MBTD1: variants seen among roughly 807,000 people sequenced by gnomAD.
The protein encoded by MBTD1 is MBT domain-containing protein 1.
Under a neutral mutation model 87.8 loss-of-function variants are expected in MBTD1, and 24 were observed. The observed-to-expected ratio is 0.27, with a 90% CI of 0.20 to 0.38. MBTD1 has a LOEUF of 0.38. Among genes scored for constraint, MBTD1 ranks in the 10% least tolerant of loss-of-function variants. The pLI is 1.00. For synonymous variants in MBTD1, 237 were observed against 248.6 expected (o/e 0.95, Z 0.44); for missense variants, 436 against 760.2 (o/e 0.57, Z 5.02).
At chr17:51,224,951 T>C in intron 3 of MBTD1, 57 bp downstream of exon 3, 1 of 1,152,132 alleles carries the variant, frequency 8.7e-7, no homozygotes, top group East Asian at 3.0e-5. Flanking sequence ...AGAAACCAAA[T>C]GAAAACACAC....
chr17:51,195,367 C>A lies in MBTD1; in HGVS notation c.1225-6G>T. 2 of 1,581,690 alleles carry A rather than the reference C, an allele frequency of 1.3e-6. No homozygotes were observed. The highest frequency in any genetic ancestry group is 1.2e-5 in the South Asian group (1 of 85,628). On this transcript the variant is annotated splice_region_variant and splice_polypyrimidine_tract_variant and intron_variant, in intron 12 of 16. Coordinates refer to ENST00000586178, the MANE Select transcript of MBTD1 (RefSeq NM_017643.3). ...AGGAATCCGTCAGCTAGCACCTTTT[C>A]AATGAAGAGAATTCTAAGTACTTGA...
chr17:51,179,488 A>ATATATATATATATT lies in MBTD1; in HGVS notation c.*1087_*1088insAATATATATATATA, dbSNP rs2050207151. Reference sequence around the variant, plus strand: ...TGAATACAATTAAAGACAATTTTATATATATATATATATATATATATATAT... The same window carrying ATATATATATATATT: ...TGAATACAATTAAAGACAATTTTATATATATATATATATTTATATATATATATATATATATATAT... On this transcript the variant is annotated 3_prime_UTR_variant, in exon 17 of 17. Coordinates refer to ENST00000586178, the MANE Select transcript of MBTD1 (RefSeq NM_017643.3). 4 of 18,464 alleles carry ATATATATATATATT rather than the reference A, an allele frequency of 2.2e-4. No individual in the cohort carries two copies. Among genetic ancestry groups the ATATATATATATATT allele is most frequent in the Non-Finnish European group, 4.5e-4 (4 of 8,888 alleles). The allele number at this position is 18,464 out of a possible 1,614,324, so 1.1% of individuals were successfully genotyped here.
Position 51,225,036 on chromosome 17 carries a change from G to A in MBTD1, c.126C>T (p.Tyr42=), listed in dbSNP as rs766770661. 22 of 1,551,318 alleles carry A rather than the reference G, an allele frequency of 1.4e-5. No individual in the cohort carries two copies. Among genetic ancestry groups the A allele is most frequent in the Non-Finnish European group, 1.7e-6 (2 of 1,146,680 alleles). The change falls in exon 3 of 17, where the codon TAC becomes TAT. Residue 42 remains tyrosine (Y), a synonymous_variant. Coordinates refer to ENST00000586178, the MANE Select transcript of MBTD1 (RefSeq NM_017643.3). The stretch of plus-strand genomic sequence containing the variant: ...TGCCAGATTTACCATCTGGGTATGT[G>A]TAGACTTGCCCATTGTTTTTGATAA... ...LPIIKNNGQV[Y]TYPDGKSGMA...
At position 51,217,429 on chromosome 17, in the gene MBTD1, A is replaced by C; in HGVS notation, c.404-13T>G. 2 of 1,289,608 alleles carry C rather than the reference A, an allele frequency of 1.6e-6. No homozygotes were observed. The highest frequency in any genetic ancestry group is 2.1e-6 in the Non-Finnish European group (2 of 930,416). 79.9% of individuals were successfully genotyped at this position (1,289,608 alleles called of 1,614,324 possible). A position where few individuals can be genotyped will look rare whatever the true frequency, so the allele number is the denominator to read the frequency against. On this transcript the variant is annotated splice_polypyrimidine_tract_variant and intron_variant, in intron 5 of 16. Coordinates refer to ENST00000586178, the MANE Select transcript of MBTD1 (RefSeq NM_017643.3). ...TCCATGGAGACTGCTAAAATGAAAC[A>C]AATTTAGATGTATTATAATTCTCAA... is the stretch of plus-strand genomic sequence containing the variant.
At chr17:51,236,780 A>T (rs1427203744) in intron 2 of MBTD1, among the ~76,000 whole-genome samples, 1 of 152,162 alleles carries the variant, frequency 6.6e-6, no homozygotes, top group Non-Finnish European at 1.5e-5. Flanking sequence ...GAGAAAAAAA[A>T]AATAGTCTTT....
At chr17:51,218,881 A>AATGAATC in intron 5 of MBTD1, 49 bp downstream of exon 5, 1 of 1,082,318 alleles carries the variant, frequency 9.2e-7, no homozygotes, top group Non-Finnish European at 1.4e-6. Context: ...ATTAAAACTA[A>AATGAATC]ATGAATCAAT....
intron 14 of MBTD1, among the ~76,000 whole-genome samples, 160 bp downstream of exon 14, chr17:51,193,268 T>C (rs1324466840): frequency 8.1e-6 from 1 of 124,206 alleles, no homozygotes; most frequent in East Asian, 2.2e-4. Flanking sequence ...TTTTGATTCC[T>C]AGGTAAAGAA....
chr17:51,259,970 G>A lies in MBTD1; in HGVS notation c.-248C>T. The A allele has an allele frequency of 1.3e-5, 13 of 969,618 alleles. No homozygotes were observed. Among genetic ancestry groups the A allele is most frequent in the Non-Finnish European group, 1.6e-5 (12 of 748,578 alleles). 60.1% of individuals were successfully genotyped at this position (969,618 alleles called of 1,614,324 possible). On this transcript the variant is annotated 5_prime_UTR_variant, in exon 1 of 17. Transcript: ENST00000586178. ...CGGCGACTACAGGGGGCCCCCGGCTGGGCCCAGACCGGTGGCGGGTGCAGC... is the reference window on the plus strand; with the variant it reads ...CGGCGACTACAGGGGGCCCCCGGCTAGGCCCAGACCGGTGGCGGGTGCAGC...
intron 2 of MBTD1, among the ~76,000 whole-genome samples, chr17:51,257,577 C>T: frequency 6.6e-6 from 1 of 152,138 alleles, no homozygotes; most frequent in East Asian, 1.9e-4. Flanking sequence ...ATAAGGTCAA[C>T]ATATAACCAG....
rs1598465600 is a variant in MBTD1 at position 51,259,917 on chromosome 17, T to C, written c.-195A>G. On this transcript the variant is annotated 5_prime_UTR_variant, in exon 1 of 17. Coordinates refer to ENST00000586178, the MANE Select transcript of MBTD1 (RefSeq NM_017643.3). ...AGCCCGCGGCGCCCCCTCCCCGGGC[T>C]GGGGGCAGGTGCCTCTCCCCGGGAC... 1 of 1,223,094 alleles carries C rather than the reference T, an allele frequency of 8.2e-7. No individual in the cohort carries two copies. Among genetic ancestry groups the C allele is most frequent in the Middle Eastern group, 3.1e-4 (1 of 3,198 alleles). 75.8% of individuals were successfully genotyped at this position (1,223,094 alleles called of 1,614,324 possible). A position where few individuals can be genotyped will look rare whatever the true frequency, so the allele number is the denominator to read the frequency against.
intron 6 of MBTD1, among the ~76,000 whole-genome samples, chr17:51,208,235 CA>C (rs1162150697): frequency 6.6e-6 from 1 of 152,124 alleles, no homozygotes; most frequent in Non-Finnish European, 1.5e-5. Flanking sequence ...GTCTAGAAAC[CA>C]AAGACAGAAT....
At position 51,214,736 on chromosome 17, in the gene MBTD1, T is replaced by C. The variant is rs1474375809; in HGVS notation, c.486+2598A>G. Among the ~76,000 whole-genome samples the C allele has an allele frequency of 3.3e-5, 5 of 152,096 alleles. No individual in the cohort carries two copies. The East Asian group carries it at 9.7e-4, about 29-fold the overall frequency. On this transcript the variant is annotated intron_variant, in intron 6 of 16. Transcript: ENST00000586178. The stretch of plus-strand genomic sequence containing the variant: ...AGGAGCAGGAAAGGCTCCCGACTTG[T>C]ACTCAAGTAGAAGAGAAGGCAGGTG...
intron 16 of MBTD1, chr17:51,191,932 G>A (rs1359314100): frequency 2.6e-6 from 1 of 383,804 alleles, no homozygotes; most frequent in African/African-American, 2.1e-5. Flanking sequence ...CTTTCAGTAG[G>A]TTTTACATAT....
At chr17:51,203,759 A>G (rs916173990) in intron 8 of MBTD1, 32 bp downstream of exon 8, 2 of 1,590,694 alleles carry the variant, frequency 1.3e-6, no homozygotes, top group Non-Finnish European at 1.7e-6. Context: ...CACATATAAA[A>G]AAATTACGGT....
At chr17:51,247,525 C>A (rs1260010007) in intron 2 of MBTD1, among the ~76,000 whole-genome samples, 1 of 150,226 alleles carries the variant, frequency 6.7e-6, no homozygotes, top group Non-Finnish European at 1.5e-5. Context: ...TGGCTCCCTG[C>A]AGCCTCAACA....
At chr17:51,229,694 T>G (rs2053445810) in intron 2 of MBTD1, among the ~76,000 whole-genome samples, 1 of 148,200 alleles carries the variant, frequency 6.7e-6, no homozygotes, top group African/African-American at 2.5e-5. Flanking sequence ...AGAGTCTTGC[T>G]CTGTCACCCA....
chr17:51,194,912 T>C (rs1051384906), intron 13 of MBTD1, among the ~76,000 whole-genome samples: 13 of 151,886 alleles, frequency 8.6e-5, no homozygotes, highest in Admixed American at 1.3e-4. Context: ...AAGAAAAAAA[T>C]CATGTATGCC....
At chr17:51,193,202 A>G (rs1369225823) in intron 14 of MBTD1, among the ~76,000 whole-genome samples, 186 bp from the exon 15 acceptor site, 1 of 152,246 alleles carries the variant, frequency 6.6e-6, no homozygotes, top group Non-Finnish European at 1.5e-5. Context: ...CTAGTTAGGA[A>G]AAATCTTCAT....
At chr17:51,209,534 A>G (rs2052047161) in intron 6 of MBTD1, 2 of 468,120 alleles carry the variant, frequency 4.3e-6, no homozygotes, top group Admixed American at 4.7e-5. Flanking sequence ...CTGTAAGAAA[A>G]TAAGTGGGTG....
Sources: gnomAD v4.1 joint callset for allele counts (sites outside exome capture counted in the v4.1 genomes callset) on GRCh38, gnomAD v4.1.1 for gene constraint, MANE v1.5 for transcripts, NCBI Gene and HGNC (gene_info 2026-07-23, HGNC 2026-07-21) for gene names.